The following BABAM2 variants were observed in gnomAD, a reference collection of about 807,000 sequenced individuals.
BABAM2 encodes BRISC and BRCA1 A complex member 2, also known as BRISC and BRCA1-A complex member 2.
Under a neutral mutation model 54.7 loss-of-function variants are expected in BABAM2, and 31 were observed. That is an observed-to-expected ratio of 0.57 (90% CI 0.43 to 0.77). The LOEUF (loss-of-function observed/expected upper bound fraction) is 0.77, where lower values mean the gene tolerates loss of function less well. BABAM2 is among the 30% of genes least tolerant of loss of function. BABAM2 has a pLI of 0.00. For synonymous variants in BABAM2, 167 were observed against 162.9 expected, an observed-to-expected ratio of 1.03 and a Z score of -0.19; for missense variants, 364 against 455.8, an observed-to-expected ratio of 0.80 and a Z score of 1.83.
intron 7 of BABAM2, among the ~76,000 whole-genome samples, chr2:28,190,620 G>C (rs1676796679): frequency 6.6e-6 from 1 of 152,190 alleles, no homozygotes; most frequent in Admixed American, 6.5e-5. Context: ...TCGGGAGGCA[G>C]AGTTTATGGA....
chr2:28,287,376 C>T (rs1686914072), intron 10 of BABAM2, among the ~76,000 whole-genome samples: 1 of 152,100 alleles, frequency 6.6e-6, no homozygotes, highest in Non-Finnish European at 1.5e-5. Context: ...GTACTAAATG[C>T]TATTTATGGT....
At chr2:28,170,817 T>C (rs1674235779) in intron 7 of BABAM2, among the ~76,000 whole-genome samples, 1 of 152,160 alleles carries the variant, frequency 6.6e-6, no homozygotes, top group East Asian at 1.9e-4. Flanking sequence ...TTGCAAGAAA[T>C]TAATTTCTCC....
At chr2:28,062,320 CT>C (rs1678950090) in intron 6 of BABAM2, among the ~76,000 whole-genome samples, 1 of 150,214 alleles carries the variant, frequency 6.7e-6, no homozygotes, top group Non-Finnish European at 1.5e-5. Context: ...AATACCAGCA[CT>C]TTGTGGGCTG....
chr2:28,070,838 G>A (rs767008314), intron 6 of BABAM2, among the ~76,000 whole-genome samples: 2 of 152,064 alleles, frequency 1.3e-5, no homozygotes, highest in Non-Finnish European at 2.9e-5. Flanking sequence ...TTACTCTCAA[G>A]TAAAGTTACA....
chr2:28,103,142 T>TAA (rs879352992), intron 6 of BABAM2, among the ~76,000 whole-genome samples: 2 of 139,836 alleles, frequency 1.4e-5, no homozygotes, highest in Non-Finnish European at 1.6e-5. Context: ...ACTTATTGAG[T>TAA]AAAAAAAAAA....
chr2:28,187,329 G>C (rs1676420701), intron 7 of BABAM2, among the ~76,000 whole-genome samples: 1 of 152,142 alleles, frequency 6.6e-6, no homozygotes, highest in Admixed American at 6.5e-5. Context: ...TGTTGGTTTG[G>C]GTAGCACTAT....
intron 6 of BABAM2, among the ~76,000 whole-genome samples, chr2:28,071,467 T>C (rs1378574897): frequency 2.6e-5 from 4 of 152,172 alleles, no homozygotes; most frequent in African/African-American, 4.8e-5. Context: ...TTTGGCAGTG[T>C]TATTGGTGGT....
At chr2:28,210,014 C>A (rs1679275164) in intron 7 of BABAM2, among the ~76,000 whole-genome samples, 1 of 152,160 alleles carries the variant, frequency 6.6e-6, no homozygotes, top group Non-Finnish European at 1.5e-5. Context: ...ATTCCATTCC[C>A]ATTGTGTGTA....
At chr2:28,189,105 G>A (rs1573793072) in intron 7 of BABAM2, among the ~76,000 whole-genome samples, 1 of 151,896 alleles carries the variant, frequency 6.6e-6, no homozygotes, top group African/African-American at 2.4e-5. Flanking sequence ...GGAGTCTGAG[G>A]CAGGAGAATC....
At chr2:28,334,796 G>A (rs2148341916) in intron 11 of BABAM2, among the ~76,000 whole-genome samples, 1 of 152,346 alleles carries the variant, frequency 6.6e-6, no homozygotes, top group East Asian at 1.9e-4. Flanking sequence ...TGTGGCATCA[G>A]GTGGCCTTAT....
intron 7 of BABAM2, among the ~76,000 whole-genome samples, chr2:28,155,307 T>C (rs1198503954): frequency 1.3e-5 from 2 of 152,170 alleles, no homozygotes; most frequent in African/African-American, 4.8e-5. Context: ...AAATGGATGA[T>C]TTATGGTGGC....
intron 6 of BABAM2, among the ~76,000 whole-genome samples, chr2:28,088,059 CAG>C (rs1222791969): frequency 6.6e-6 from 1 of 152,188 alleles, no homozygotes; most frequent in African/African-American, 2.4e-5. Flanking sequence ...CACTACAAAA[CAG>C]AATTTGTACC....
intron 10 of BABAM2, among the ~76,000 whole-genome samples, chr2:28,277,862 G>A (rs1009091413): frequency 8.5e-5 from 13 of 152,144 alleles, no homozygotes; most frequent in African/African-American, 1.7e-4. Context: ...GTTTGTACTC[G>A]GGTAAGGGAG....
chr2:28,176,595 A>AAAT (rs1351450797), intron 7 of BABAM2, among the ~76,000 whole-genome samples: 8 of 146,584 alleles, frequency 5.5e-5, no homozygotes, highest in African/African-American at 2.0e-4. Context: ...AAAAAAAAAA[A>AAAT]ACCTCACTGA....
chr2:27,907,019 C>G (rs1240057422), intron 2 of BABAM2, among the ~76,000 whole-genome samples: 1 of 152,074 alleles, frequency 6.6e-6, no homozygotes, highest in Non-Finnish European at 1.5e-5. Context: ...TATACCATCA[C>G]TCATATGTTA....
intron 3 of BABAM2, among the ~76,000 whole-genome samples, chr2:27,956,903 A>C (rs754447473): frequency 6.6e-6 from 1 of 152,180 alleles, no homozygotes; most frequent in Non-Finnish European, 1.5e-5. Context: ...GCAAAAGATA[A>C]ATTTAATTTA....
intron 7 of BABAM2, among the ~76,000 whole-genome samples, chr2:28,224,819 A>T (rs1415459382): frequency 7.1e-6 from 1 of 140,384 alleles, no homozygotes; most frequent in Non-Finnish European, 1.5e-5. Flanking sequence ...GGATTTGATT[A>T]TGGGAGAACA....
At position 28,111,964 on chromosome 2, in the gene BABAM2, A is replaced by C. The variant is rs909173142; in HGVS notation, c.571-17307A>C. Among the ~76,000 whole-genome samples the C allele has an allele frequency of 4.6e-5, 7 of 152,098 alleles. 1 individual carries two copies. The South Asian group carries it at 1.5e-3, about 32-fold the overall frequency. ...AACCGGAAGAGGTAGAATGATGTCC[A>C]CTGAAAAACATCCATAGCTTACTAT... On this transcript the variant is annotated intron_variant, in intron 6 of 11. Transcript: ENST00000379624.
At chr2:27,889,788 C>G (rs78911608), upstream of BABAM2, among the ~76,000 whole-genome samples, 4,808 of 152,204 alleles carry the variant, frequency 0.032, 100 homozygotes, top group Non-Finnish European at 0.047. Flanking sequence ...TTATTTTATA[C>G]AATAAGCTCA....
Sources: gnomAD v4.1 joint callset for allele counts (sites outside exome capture counted in the v4.1 genomes callset) on GRCh38, gnomAD v4.1.1 for gene constraint, MANE v1.5 for transcripts, NCBI Gene and HGNC (gene_info 2026-07-23, HGNC 2026-07-21) for gene names.